The following RANBP2 variants were observed in gnomAD, a reference collection of about 807,000 sequenced individuals.
RANBP2 encodes the protein E3 SUMO-protein ligase RanBP2.
RANBP2 carries 57 observed loss-of-function variants against 303.6 expected under a neutral mutation model. That is an observed-to-expected ratio of 0.19 (90% CI 0.15 to 0.23). RANBP2 has a LOEUF of 0.23. Ranked by LOEUF, RANBP2 falls within the 10% of genes least tolerant of loss-of-function variation. RANBP2 has a pLI of 1.00. For synonymous variants in RANBP2, 1,167 were observed against 1,301.5 expected, an observed-to-expected ratio of 0.90 and a Z score of 2.23; for missense variants, 3,138 against 3,780.8, an observed-to-expected ratio of 0.83 and a Z score of 4.46.
the RANBP2 span, among the ~76,000 whole-genome samples, chr2:109,002,203 G>A: frequency 6.6e-6 from 1 of 152,194 alleles, no homozygotes; most frequent in Non-Finnish European, 1.5e-5. Context: ...AATGCAGGAG[G>A]CCCCCAGAGG....
At chr2:108,871,062 A>T in the RANBP2 span, among the ~76,000 whole-genome samples, 1 of 152,198 alleles carries the variant, frequency 6.6e-6, no homozygotes, top group Non-Finnish European at 1.5e-5. Flanking sequence ...GCCGTCATTA[A>T]TGTTAGGTGA....
chr2:108,926,697 C>T, the RANBP2 span, among the ~76,000 whole-genome samples: 8 of 152,328 alleles, frequency 5.3e-5, no homozygotes, highest in Admixed American at 2.0e-4. Flanking sequence ...AGGAAAGCCT[C>T]GGGTGCTGCT....
intron 6 of RANBP2, among the ~76,000 whole-genome samples, chr2:108,736,631 T>A (rs1695610475): frequency 6.6e-6 from 1 of 152,238 alleles, no homozygotes; most frequent in African/African-American, 2.4e-5. Flanking sequence ...TAGGTTCACA[T>A]GTATTAGTAT....
the RANBP2 span, chr2:109,545,730 G>A: frequency 4.2e-6 from 6 of 1,437,038 alleles, no homozygotes; most frequent in Non-Finnish European, 4.5e-6. Flanking sequence ...GTGTACTAGG[G>A]CCACGGCTGG....
chr2:109,698,060 A>G, the RANBP2 span, among the ~76,000 whole-genome samples: 6 of 151,778 alleles, frequency 4.0e-5, no homozygotes. Flanking sequence ...GGGTTTTGCT[A>G]TGTTGGCCAG....
the RANBP2 span, among the ~76,000 whole-genome samples, chr2:109,021,333 C>A: frequency 6.6e-6 from 1 of 151,966 alleles, no homozygotes; most frequent in African/African-American, 2.4e-5. Context: ...ACCATCCTGG[C>A]TGACACGGTG....
chr2:109,127,499 A>G, the RANBP2 span: 1 of 152,356 alleles, frequency 6.6e-6, no homozygotes, highest in East Asian at 1.9e-4. Context: ...TTCAGCCCCA[A>G]TGGCTTTACA....
the RANBP2 span, among the ~76,000 whole-genome samples, chr2:109,634,085 A>C: frequency 7.9e-6 from 1 of 126,120 alleles, no homozygotes; most frequent in Non-Finnish European, 1.6e-5. Context: ...GCGCCACTGC[A>C]CTCCAACCTG....
chr2:108,910,728 A>C, the RANBP2 span: 34 of 1,596,372 alleles, frequency 2.1e-5, no homozygotes, highest in African/African-American at 2.7e-5. Context: ...CCCTCCACCC[A>C]GAGATGGGCA....
At chr2:109,106,350 T>G in the RANBP2 span, among the ~76,000 whole-genome samples, 121 of 152,068 alleles carry the variant, frequency 8.0e-4, no homozygotes, top group Middle Eastern at 3.2e-3. Flanking sequence ...CTCATTTCGT[T>G]TAAGAAATGT....
At chr2:109,017,327 G>T in the RANBP2 span, among the ~76,000 whole-genome samples, 1 of 152,230 alleles carries the variant, frequency 6.6e-6, no homozygotes, top group African/African-American at 2.4e-5. Context: ...TCTTTGATAC[G>T]ATCCTGAGGC....
chr2:108,747,423 T>C (rs1344789955), intron 8 of RANBP2, among the ~76,000 whole-genome samples: 1 of 152,208 alleles, frequency 6.6e-6, no homozygotes, highest in Non-Finnish European at 1.5e-5. Context: ...ATTGGATGAA[T>C]TTTGTAAAGA....
the RANBP2 span, among the ~76,000 whole-genome samples, chr2:108,922,324 C>A: frequency 6.6e-6 from 1 of 152,250 alleles, no homozygotes; most frequent in Non-Finnish European, 1.5e-5. Context: ...CTGGCTTCAC[C>A]ATGAGTCAGG....
At chr2:109,097,447 CA>C in the RANBP2 span, among the ~76,000 whole-genome samples, 40 of 145,206 alleles carry the variant, frequency 2.8e-4, no homozygotes, top group Non-Finnish European at 3.7e-4. Flanking sequence ...CAAAGAAGAC[CA>C]AAAAAAAAAA....
the RANBP2 span, among the ~76,000 whole-genome samples, chr2:109,576,768 C>T: frequency 3.9e-5 from 6 of 152,010 alleles, no homozygotes; most frequent in Non-Finnish European, 8.8e-5. Flanking sequence ...AAATAATATG[C>T]CATTCTTTCA....
the RANBP2 span, among the ~76,000 whole-genome samples, chr2:108,834,294 C>T: frequency 6.6e-6 from 1 of 150,688 alleles, no homozygotes; most frequent in South Asian, 2.1e-4. Context: ...CTCACTGCAA[C>T]CTCTGCTTCC....
At chr2:109,055,758 CATTT>C in the RANBP2 span, among the ~76,000 whole-genome samples, 1 of 90,566 alleles carries the variant, frequency 1.1e-5, no homozygotes, top group African/African-American at 4.4e-5. Flanking sequence ...ACAGCTCTAA[CATTT>C]TTTTTTTTTT....
chr2:109,600,739 C>G, the RANBP2 span, among the ~76,000 whole-genome samples: 3 of 152,062 alleles, frequency 2.0e-5, no homozygotes, highest in Non-Finnish European at 4.4e-5. Context: ...AGGGCTAGTC[C>G]CCAAGACTCT....
chr2:109,571,596 T>C, the RANBP2 span, among the ~76,000 whole-genome samples: 1 of 152,196 alleles, frequency 6.6e-6, no homozygotes, highest in Non-Finnish European at 1.5e-5. Context: ...AAATAAGGTA[T>C]AATCTTATGG....
Sources: allele counts gnomAD v4.1 joint callset (sites outside exome capture counted in the v4.1 genomes callset), GRCh38; gene constraint gnomAD v4.1.1; transcripts MANE v1.5; gene names NCBI Gene and HGNC (gene_info 2026-07-23, HGNC 2026-07-21).